PAFAH1B1: variants seen among roughly 807,000 people sequenced by gnomAD.
The protein encoded by PAFAH1B1 is platelet activating factor acetylhydrolase 1b regulatory subunit 1.
In PAFAH1B1, 2 loss-of-function variants were observed where a neutral mutation model predicts 57.5. That is an observed-to-expected ratio of 0.03 (90% CI 0.01 to 0.11). The LOEUF is 0.11. PAFAH1B1 is among the 10% of genes least tolerant of loss of function. The pLI is 1.00. For synonymous variants in PAFAH1B1, 152 were observed against 169.6 expected (o/e 0.90, Z 0.81); for missense variants, 257 against 512.0 (o/e 0.50, Z 4.81).
chr17:2,644,550 T>A (rs897057158), intron 2 of PAFAH1B1, among the ~76,000 whole-genome samples: 2 of 151,968 alleles, frequency 1.3e-5, no homozygotes, highest in African/African-American at 2.4e-5. Flanking sequence ...TCTCAAAAAA[T>A]AAATAAATAA....
chr17:2,606,370 A>AT (rs113128147), intron 1 of PAFAH1B1, among the ~76,000 whole-genome samples: 95 of 147,640 alleles, frequency 6.4e-4, no homozygotes, highest in African/African-American at 1.5e-3. Flanking sequence ...GTTTTCTTTA[A>AT]TTTTTTTTTT....
At chr17:2,633,175 CTT>C (rs1235067252) in intron 1 of PAFAH1B1, among the ~76,000 whole-genome samples, 3 of 142,708 alleles carry the variant, frequency 2.1e-5, no homozygotes, top group Non-Finnish European at 1.5e-5. Context: ...TCTTTCTTTT[CTT>C]TTTTTTTTTT....
At chr17:2,663,538 C>T (rs77593321) in intron 2 of PAFAH1B1, among the ~76,000 whole-genome samples, 8 of 147,384 alleles carry the variant, frequency 5.4e-5, no homozygotes, top group Non-Finnish European at 7.4e-5. Flanking sequence ...CAGGTGTGAG[C>T]CACTGCCACC....
In PAFAH1B1 at chr17:2,680,225, G is replaced by T; in HGVS notation, c.1064G>T (p.Ser355Ile). 6.2e-7 allele frequency: 1 copy of T among 1,614,090 alleles called. No homozygotes were observed. The highest frequency in any genetic ancestry group is 8.5e-7 in the Non-Finnish European group (1 of 1,179,950). ...CATTCTGGGGGGAAGTTTATTTTGA[G>T]TTGTGCTGATGACAAGACCCTACGC... ...LFHSGGKFILSCADDKTLRVW... is the reference protein window; with the variant it reads ...LFHSGGKFILICADDKTLRVW... Residue 355 changes from serine (S) to isoleucine (I), a missense_variant, in exon 10 of 11, where the codon AGT (serine) becomes ATT (isoleucine). Transcript: ENST00000397195.
intron 1 of PAFAH1B1, 110 bp from the exon 2 acceptor site, chr17:2,637,985 ATATT>A (rs757484966): frequency 5.3e-5 from 23 of 435,582 alleles, no homozygotes; most frequent in African/African-American, 3.6e-4. Flanking sequence ...TCATCATCTA[ATATT>A]TATACTAACA....
At chr17:2,645,675 A>G (rs373813431) in intron 2 of PAFAH1B1, among the ~76,000 whole-genome samples, 16 of 149,592 alleles carry the variant, frequency 1.1e-4, no homozygotes, top group Middle Eastern at 3.2e-3. Flanking sequence ...GTGCAGTGGC[A>G]CGATCTCAGC....
chr17:2,623,079 A>C (rs901314060), intron 1 of PAFAH1B1, among the ~76,000 whole-genome samples: 1 of 152,156 alleles, frequency 6.6e-6, no homozygotes, highest in East Asian at 1.9e-4. Flanking sequence ...CCAGCTCATG[A>C]AACCACTTTT....
intron 1 of PAFAH1B1, among the ~76,000 whole-genome samples, chr17:2,622,531 C>T (rs538763090): frequency 5.4e-4 from 83 of 152,340 alleles, no homozygotes; most frequent in African/African-American, 1.9e-3. Context: ...ATCCAGGTCA[C>T]GCTGATGCAA....
At chr17:2,607,145 A>G (rs1056217142) in intron 1 of PAFAH1B1, among the ~76,000 whole-genome samples, 1 of 146,308 alleles carries the variant, frequency 6.8e-6, no homozygotes, top group African/African-American at 2.5e-5. Flanking sequence ...TAAAGAAGGC[A>G]TTATTACAGT....
chr17:2,658,094 A>G (rs1054468098), intron 2 of PAFAH1B1, among the ~76,000 whole-genome samples: 1 of 152,194 alleles, frequency 6.6e-6, no homozygotes, highest in Non-Finnish European at 1.5e-5. Flanking sequence ...AACTAAGGCA[A>G]AATCTCCTCC....
chr17:2,621,902 A>T (rs2068429551), intron 1 of PAFAH1B1, among the ~76,000 whole-genome samples: 1 of 152,240 alleles, frequency 6.6e-6, no homozygotes, highest in South Asian at 2.1e-4. Flanking sequence ...TTACAGTTCC[A>T]CATGGCTGGG....
At position 2,682,445 on chromosome 17, in the gene PAFAH1B1, CTG is replaced by C. The variant is rs1471761796; in HGVS notation, c.*645_*646del. On this transcript the variant is annotated 3_prime_UTR_variant, in exon 11 of 11. Transcript: ENST00000397195. ...GTGGTATATTTATGTAAGAAAATGA[CTG>C]TAAATCTCAAGAAAAATCTCAGCAG... The C allele has an allele frequency of 2.0e-5, 3 of 152,592 alleles. No homozygotes were observed. The highest frequency in any genetic ancestry group is 2.9e-5 in the Non-Finnish European group (2 of 68,044). 9.5% of individuals were successfully genotyped at this position (152,592 alleles called of 1,614,324 possible).
intron 2 of PAFAH1B1, among the ~76,000 whole-genome samples, chr17:2,659,181 G>A (rs2068979401): frequency 6.6e-6 from 1 of 151,622 alleles, no homozygotes; most frequent in Non-Finnish European, 1.5e-5. Context: ...AACCCAGGAG[G>A]GGGAGGTTGC....
At chr17:2,607,558 C>G (rs561612177) in intron 1 of PAFAH1B1, among the ~76,000 whole-genome samples, 2 of 151,984 alleles carry the variant, frequency 1.3e-5, no homozygotes, top group South Asian at 2.1e-4. Context: ...CATCTCGGCT[C>G]ACTGCAGCCT....
intron 1 of PAFAH1B1, among the ~76,000 whole-genome samples, chr17:2,617,892 C>T (rs543279300): frequency 6.6e-6 from 1 of 151,344 alleles, no homozygotes; most frequent in South Asian, 2.1e-4. Context: ...CCATTGCACT[C>T]CAGCCTGGGC....
chr17:2,676,044 A>G (rs2151669507), intron 8 of PAFAH1B1, among the ~76,000 whole-genome samples: 1 of 152,304 alleles, frequency 6.6e-6, no homozygotes, highest in Middle Eastern at 3.4e-3. Context: ...TGTGTAGCAT[A>G]GGTATGGTGT....
In PAFAH1B1 at chr17:2,682,081, A is replaced by G. The variant is rs755908657; in HGVS notation, c.*279A>G. 101 of 362,190 alleles carry G rather than the reference A, an allele frequency of 2.8e-4. No individual in the cohort carries two copies. Among genetic ancestry groups the G allele is most frequent in the Non-Finnish European group, 3.8e-4 (76 of 198,832 alleles). 22.4% of individuals were successfully genotyped at this position (362,190 alleles called of 1,614,324 possible). A position where few individuals can be genotyped will look rare whatever the true frequency, so the allele number is the denominator to read the frequency against. On this transcript the variant is annotated 3_prime_UTR_variant, in exon 11 of 11. Coordinates refer to ENST00000397195, the MANE Select transcript of PAFAH1B1 (RefSeq NM_000430.4). ...GCCTAAGAAGGCAGAAGTTGAATCA[A>G]TTGAACTAGGGCACTAAACTGAATA... is the stretch of plus-strand genomic sequence containing the variant.
intron 2 of PAFAH1B1, among the ~76,000 whole-genome samples, chr17:2,652,288 G>A (rs545092240): frequency 1.1e-4 from 16 of 151,970 alleles, no homozygotes; most frequent in East Asian, 5.8e-4. Context: ...GGTGGCGGGT[G>A]CCTGTAGTCC....
Position 2,593,712 on chromosome 17 carries a change from C to A in PAFAH1B1, c.-485C>A. On this transcript the variant is annotated 5_prime_UTR_variant, in exon 1 of 11. Transcript: ENST00000397195. ...TCCGGCGGCCGGGAGAGCGAGTGAG[C>A]GAGCGGAGGAGCAGCGACACGGGAG... The A allele has an allele frequency of 3.1e-6, 1 of 318,900 alleles. No homozygotes were observed. Among genetic ancestry groups the A allele is most frequent in the Non-Finnish European group, 5.7e-6 (1 of 176,678 alleles). The allele number at this position is 318,900 out of a possible 1,614,324, so 19.8% of individuals were successfully genotyped here.
Sources: gnomAD v4.1 joint callset for allele counts (sites outside exome capture counted in the v4.1 genomes callset) on GRCh38, gnomAD v4.1.1 for gene constraint, MANE v1.5 for transcripts, NCBI Gene and HGNC (gene_info 2026-07-23, HGNC 2026-07-21) for gene names.